The following PIM1 variants were observed in gnomAD, a reference collection of about 807,000 sequenced individuals.
The protein encoded by PIM1 is serine/threonine-protein kinase pim-1.
A neutral mutation model predicts 34.5 loss-of-function variants in PIM1; 9 were observed. The ratio of observed to expected loss-of-function variants is 0.26; its 90% confidence interval spans 0.16 to 0.46. The LOEUF is 0.46. Ranked by LOEUF, PIM1 falls within the 20% of genes least tolerant of loss-of-function variation. The probability of loss-of-function intolerance (pLI) is 1.00; values close to 1 mark genes in which losing one functional copy is unlikely to be tolerated. For synonymous variants in PIM1, 199 were observed against 175.2 expected (o/e 1.14, Z -1.07); for missense variants, 274 against 410.9 (o/e 0.67, Z 2.88).
chr6:37,173,419 C>T (rs937021264), intron 5 of PIM1, among the ~76,000 whole-genome samples: 1 of 152,210 alleles, frequency 6.6e-6, no homozygotes, highest in African/African-American at 2.4e-5. Context: ...GACAATCTGG[C>T]TTCTCCAAAA....
chr6:37,174,179 C>T lies in PIM1; in HGVS notation c.*88C>T, dbSNP rs559365974. On this transcript the variant is annotated 3_prime_UTR_variant, in exon 6 of 6. Coordinates refer to ENST00000373509, the MANE Select transcript of PIM1 (RefSeq NM_002648.4). ...TCCAGCTTCCCGAGTACCAGTGACA[C>T]GTCTCGCCAAGCAGGACAGTGCTTG... The T allele has an allele frequency of 1.2e-4, 161 of 1,303,332 alleles. No homozygotes were observed. In the South Asian group the frequency reaches 2.0e-3, roughly 16 times the overall value. The allele number at this position is 1,303,332 out of a possible 1,614,324, so 80.7% of individuals were successfully genotyped here.
rs927091308 is a variant in PIM1, at chr6:37,174,704, C to G, written c.*613C>G. On this transcript the variant is annotated 3_prime_UTR_variant, in exon 6 of 6. Transcript: ENST00000373509. ...ATGGAAGAGGCTACAGGGCCAAACG[C>G]TGAGCCACCTGCCCTTTTTTCTGCC... 4.3e-6 allele frequency: 1 copy of G among 233,648 alleles called. No homozygotes were observed. Among genetic ancestry groups the G allele is most frequent in the African/African-American group, 2.2e-5 (1 of 45,338 alleles). The allele number at this position is 233,648 out of a possible 1,614,324, so 14.5% of individuals were successfully genotyped here. A position where few individuals can be genotyped will look rare whatever the true frequency, so the allele number is the denominator to read the frequency against.
chr6:37,171,557 C>T, intron 4 of PIM1, 66 bp downstream of exon 4: 2 of 1,546,912 alleles, frequency 1.3e-6, no homozygotes, highest in Non-Finnish European at 1.7e-6. Flanking sequence ...CCGGAGGCCT[C>T]GGCCAGTCTC....
chr6:37,172,917 G>T, intron 4 of PIM1, 79 bp from the exon 5 acceptor site: 1 of 1,173,540 alleles, frequency 8.5e-7, no homozygotes, highest in Non-Finnish European at 1.2e-6. Context: ...TTAAAAGAAA[G>T]AGTTATATAT....
intron 4 of PIM1, chr6:37,172,786 A>C: frequency 1.5e-6 from 1 of 680,922 alleles, no homozygotes; most frequent in Non-Finnish European, 2.7e-6. Flanking sequence ...GGTTTGGGCT[A>C]GCAGAGAGGT....
Position 37,171,277 on chromosome 6 carries a change from C to G in PIM1, c.393C>G (p.Asp131Glu). The G allele has an allele frequency of 6.2e-7, 1 of 1,614,198 alleles. No individual in the cohort carries two copies. Among genetic ancestry groups the G allele is most frequent in the Non-Finnish European group, 8.5e-7 (1 of 1,180,042 alleles). Residue 131 changes from aspartate (D) to glutamate (E), a missense_variant, in exon 4 of 6, where the codon GAC becomes GAG. This residue lies in a region of PIM1 where 168 missense variants were observed against 299.4 expected (regional missense o/e 0.56). Transcript: ENST00000373509. ...ERPEPVQDLFDFITERGALQE... is the reference protein window; with the variant it reads ...ERPEPVQDLFEFITERGALQE... The stretch of plus-strand genomic sequence containing the variant: ...CCGAGCCGGTGCAAGATCTCTTCGA[C>G]TTCATCACGGAAAGGGGAGCCCTGC...
intron 4 of PIM1, 125 bp downstream of exon 4, chr6:37,171,616 G>C (rs1411644683): frequency 2.5e-6 from 3 of 1,206,718 alleles, no homozygotes; most frequent in East Asian, 2.5e-5. Flanking sequence ...CTCGATGCTA[G>C]CCGGGGTGGG....
At position 37,171,265 on chromosome 6, in the gene PIM1, A is replaced by C; in HGVS notation, c.381A>C (p.Gln127His). The C allele has an allele frequency of 6.2e-7, 1 of 1,614,138 alleles. No individual in the cohort carries two copies. Among genetic ancestry groups the C allele is most frequent in the Non-Finnish European group, 8.5e-7 (1 of 1,180,034 alleles). Residue 127 changes from glutamine (Q) to histidine (H), a missense_variant, in exon 4 of 6, where the codon CAA (glutamine) becomes CAC (histidine). Around this residue, in one of 2 missense-constraint regions of PIM1, gnomAD observed 168 missense variants for 299.4 expected, o/e 0.56. Coordinates refer to ENST00000373509, the MANE Select transcript of PIM1 (RefSeq NM_002648.4). ...VLILERPEPVQDLFDFITERG... is the reference protein window; with the variant it reads ...VLILERPEPVHDLFDFITERG... ...TCCTGGAGAGGCCCGAGCCGGTGCA[A>C]GATCTCTTCGACTTCATCACGGAAA...
rs573327789 is a variant in PIM1 at position 37,171,641 on chromosome 6, C to T, written c.607+150C>T. The T allele has an allele frequency of 1.2e-3, 1,148 of 927,104 alleles. 1 individual carries two copies. Among genetic ancestry groups the T allele is most frequent in the Non-Finnish European group, 1.6e-3 (995 of 633,832 alleles). 57.4% of individuals were successfully genotyped at this position (927,104 alleles called of 1,614,324 possible). On this transcript the variant is annotated intron_variant, in intron 4 of 5. Transcript: ENST00000373509. Reference sequence around the variant, plus strand: ...GCCGGGGTGGGACGCAGGAGAGCCTCCCAGCGTAGTAAAGCCGGGGATTTT... The same window carrying T: ...GCCGGGGTGGGACGCAGGAGAGCCTTCCAGCGTAGTAAAGCCGGGGATTTT...
chr6:37,170,968 C>T lies in PIM1; in HGVS notation c.190-13C>T, dbSNP rs2113769760. ...CCGGACGAGGGAACCTGACGGAGAC[C>T]CTGGGCTTCCAGGTGGCCATCAAAC... is the stretch of plus-strand genomic sequence containing the variant. On this transcript the variant is annotated splice_polypyrimidine_tract_variant and intron_variant, in intron 2 of 5. Coordinates refer to ENST00000373509, the MANE Select transcript of PIM1 (RefSeq NM_002648.4). The T allele has an allele frequency of 1.2e-6, 2 of 1,613,924 alleles. No individual in the cohort carries two copies. Among genetic ancestry groups the T allele is most frequent in the South Asian group, 1.1e-5 (1 of 91,084 alleles).
Position 37,170,776 on chromosome 6 carries a change from A to G in PIM1, c.86A>G (p.Lys29Arg), listed in dbSNP as rs568759949. Residue 29 changes from lysine to arginine, a missense_variant, in exon 2 of 6, where the codon AAG (lysine) becomes AGG (arginine). Around this residue, in one of 2 missense-constraint regions of PIM1, gnomAD observed 106 missense variants for 111.5 expected, o/e 0.95. Transcript: ENST00000373509. ...DLHATKLAPGKEKEPLESQYQ... is the reference protein window; with the variant it reads ...DLHATKLAPGREKEPLESQYQ... ...CCCGTGCTTCCCCCTTTCCTAGGCA[A>G]GGAGAAGGAGCCCCTGGAGTCGCAG... 1 of 1,612,320 alleles carries G rather than the reference A, an allele frequency of 6.2e-7. No individual in the cohort carries two copies. Among genetic ancestry groups the G allele is most frequent in the Non-Finnish European group, 8.5e-7 (1 of 1,179,542 alleles).
At position 37,171,347 on chromosome 6, in the gene PIM1, G is replaced by T. The variant is rs770187449; in HGVS notation, c.463G>T (p.Val155Leu). ...CTTCTTCTGGCAGGTGCTGGAGGCC[G>T]TGCGGCACTGCCACAACTGCGGGGT... is the stretch of plus-strand genomic sequence containing the variant. ...RSFFWQVLEA[V>L]RHCHNCGVLH... Residue 155 changes from valine to leucine, a missense_variant, in exon 4 of 6, where the codon GTG (valine) becomes TTG (leucine). Around this residue, in one of 2 missense-constraint regions of PIM1, gnomAD observed 168 missense variants for 299.4 expected, o/e 0.56. Coordinates refer to ENST00000373509, the MANE Select transcript of PIM1 (RefSeq NM_002648.4). 5 of 1,613,808 alleles carry T rather than the reference G, an allele frequency of 3.1e-6. No individual in the cohort carries two copies. Among genetic ancestry groups the T allele is most frequent in the Admixed American group, 3.3e-5 (2 of 60,008 alleles).
In PIM1 at chr6:37,170,986, C is replaced by T. The variant is rs1364325567; in HGVS notation, c.195C>T (p.Ala65=). The change falls in exon 3 of 6, where the codon GCC becomes GCT. Residue 65 remains alanine, a synonymous_variant. Transcript: ENST00000373509. ...CGGAGACCCTGGGCTTCCAGGTGGC[C>T]ATCAAACACGTGGAGAAGGACCGGA... The part of the protein sequence containing the change: ...GIRVSDNLPV[A]IKHVEKDRIS... The T allele has an allele frequency of 9.9e-6, 16 of 1,614,014 alleles. No homozygotes were observed. Among genetic ancestry groups the T allele is most frequent in the Middle Eastern group, 1.6e-4 (1 of 6,062 alleles).
At position 37,172,960 on chromosome 6, in the gene PIM1, A is replaced by G. The variant is rs1762333615; in HGVS notation, c.608-36A>G. On this transcript the variant is annotated intron_variant, in intron 4 of 5. Coordinates refer to ENST00000373509, the MANE Select transcript of PIM1 (RefSeq NM_002648.4). ...AGCTTCTTTGTGCTTGTTTTTGCTA[A>G]AAGTGTGTTTTCTCTTCTATTCCCT... 5.0e-6 allele frequency: 8 copies of G among 1,594,958 alleles called. No individual in the cohort carries two copies. The East Asian group carries it at 8.9e-5, about 18-fold the overall frequency.
intron 3 of PIM1, 37 bp downstream of exon 3, chr6:37,171,068 G>T: frequency 6.2e-7 from 1 of 1,613,802 alleles, no homozygotes; most frequent in South Asian, 1.1e-5. Flanking sequence ...AGGATGAGTG[G>T]GTGGGGTGAG....
In PIM1 at chr6:37,170,815, C is replaced by G. The variant is rs766108688; in HGVS notation, c.125C>G (p.Pro42Arg). The G allele has an allele frequency of 1.2e-6, 2 of 1,613,114 alleles. No homozygotes were observed. Among genetic ancestry groups the G allele is most frequent in the South Asian group, 2.2e-5 (2 of 91,072 alleles). ...EPLESQYQVG[P>R]LLGSGGFGSV... ...CTGGAGTCGCAGTACCAGGTGGGCC[C>G]GCTACTGGGCAGCGGCGGCTTCGGC... The change falls in exon 2 of 6, where the codon CCG becomes CGG. Residue 42 changes from proline to arginine, a missense_variant. Transcript: ENST00000373509.
rs146002992 is a variant in PIM1 at position 37,170,463 on chromosome 6, G to GCAGCCA, written c.-95_-90dup. 397 of 1,557,928 alleles carry GCAGCCA rather than the reference G, an allele frequency of 2.5e-4. No homozygotes were observed. Among genetic ancestry groups the GCAGCCA allele is most frequent in the Middle Eastern group, 5.0e-4 (3 of 5,958 alleles). On this transcript the variant is annotated 5_prime_UTR_variant, in exon 1 of 6. Transcript: ENST00000373509. ...CGCAGCCACAGCCGCAACGCCACCC[G>GCAGCCA]CAGCCACAGCCACAGCCACAGCCCC...
At position 37,174,147 on chromosome 6, in the gene PIM1, T is replaced by A; in HGVS notation, c.*56T>A. 1 of 1,544,388 alleles carries A rather than the reference T, an allele frequency of 6.5e-7. No individual in the cohort carries two copies. The highest frequency in any genetic ancestry group is 8.8e-7 in the Non-Finnish European group (1 of 1,135,794). On this transcript the variant is annotated 3_prime_UTR_variant, in exon 6 of 6. Coordinates refer to ENST00000373509, the MANE Select transcript of PIM1 (RefSeq NM_002648.4). ...GTCAGATGCCCGAGGGAGGGGAAGC[T>A]TCTGTCTCCAGCTTCCCGAGTACCA...
chr6:37,173,335 A>G (rs1330365162), intron 5 of PIM1, among the ~76,000 whole-genome samples, 163 bp downstream of exon 5: 2 of 152,232 alleles, frequency 1.3e-5, no homozygotes, highest in African/African-American at 2.4e-5. Context: ...CTGGCCTCAT[A>G]AATCACATGG....
Sources: gnomAD v4.1 joint callset for allele counts (sites outside exome capture counted in the v4.1 genomes callset) on GRCh38, gnomAD v4.1.1 for gene constraint, gnomAD v4.1.1 regional missense constraint, MANE v1.5 for transcripts, NCBI Gene and HGNC (gene_info 2026-07-23, HGNC 2026-07-21) for gene names.